Variants in YWHAG observed in about 807,000 individuals in gnomAD.
YWHAG encodes tyrosine 3-monooxygenase/tryptophan 5-monooxygenase activation protein gamma.
A neutral mutation model predicts 23.3 loss-of-function variants in YWHAG; 1 was observed. The ratio of observed to expected loss-of-function variants is 0.04; its 90% CI spans 0.02 to 0.20. The LOEUF (loss-of-function observed/expected upper bound fraction) is 0.20. Among genes scored for constraint, YWHAG ranks in the 10% least tolerant of loss-of-function variants. YWHAG has a pLI of 1.00. For missense variants in YWHAG, 151 were observed against 338.6 expected, an observed-to-expected ratio of 0.45 and a Z score of 4.35; for synonymous variants, 160 against 144.0, an observed-to-expected ratio of 1.11 and a Z score of -0.80.
At chr7:76,341,629 C>G (rs942341600) in intron 1 of YWHAG, among the ~76,000 whole-genome samples, 2 of 152,008 alleles carry the variant, frequency 1.3e-5, no homozygotes, top group African/African-American at 4.8e-5. Flanking sequence ...ATGGAAGCAG[C>G]CAGTCCAAAA....
At chr7:76,358,020 T>A (rs144255280) in intron 1 of YWHAG, among the ~76,000 whole-genome samples, 1 of 152,328 alleles carries the variant, frequency 6.6e-6, no homozygotes, top group East Asian at 1.9e-4. Context: ...ATGTTGAGAA[T>A]GATCAATGAA....
At chr7:76,334,087 T>C (rs1307601636) in intron 1 of YWHAG, among the ~76,000 whole-genome samples, 2 of 152,226 alleles carry the variant, frequency 1.3e-5, no homozygotes, top group African/African-American at 4.8e-5. Context: ...AGATGTTCCC[T>C]GCCAGTGAAA....
intron 1 of YWHAG, among the ~76,000 whole-genome samples, chr7:76,331,692 G>C (rs1405192167): frequency 6.6e-6 from 1 of 152,042 alleles, no homozygotes; most frequent in Non-Finnish European, 1.5e-5. Flanking sequence ...GAACTACCAG[G>C]AGACTTTTTT....
At chr7:76,353,706 T>C (rs1803906824) in intron 1 of YWHAG, among the ~76,000 whole-genome samples, 1 of 152,176 alleles carries the variant, frequency 6.6e-6, no homozygotes, top group African/African-American at 2.4e-5. Context: ...AAAATAATTC[T>C]GAGAGGAGAG....
At chr7:76,358,148 C>T (rs1464971024) in intron 1 of YWHAG, among the ~76,000 whole-genome samples, 1 of 152,176 alleles carries the variant, frequency 6.6e-6, no homozygotes, top group East Asian at 1.9e-4. Context: ...CGATTTTGCA[C>T]CACGGAGCTC....
Position 76,331,520 on chromosome 7 carries a change from C to CT in YWHAG, c.88-1288dup, listed in dbSNP as rs754943852. ...GCAGCCCAACACAAATTCGTAAACT[C>CT]TATTAAAACACTGAGAATTCTTTTT... On this transcript the variant is annotated intron_variant, in intron 1 of 1. Transcript: ENST00000307630. Among the ~76,000 whole-genome samples the CT allele has an allele frequency of 2.0e-5, 3 of 151,936 alleles. No individual in the cohort carries two copies. In the South Asian group the frequency reaches 6.2e-4, roughly 32 times the overall value.
At chr7:76,356,682 T>C (rs1334450074) in intron 1 of YWHAG, among the ~76,000 whole-genome samples, 1 of 152,244 alleles carries the variant, frequency 6.6e-6, no homozygotes, top group Non-Finnish European at 1.5e-5. Flanking sequence ...TATTCCATCA[T>C]TGCCCAGTAT....
rs1563661472 is a variant in YWHAG at position 76,329,726 on chromosome 7, T to C, written c.595A>G (p.Thr199Ala). 1 of 1,614,192 alleles carries C rather than the reference T, an allele frequency of 6.2e-7. No homozygotes were observed. Residue 199 changes from threonine (T) to alanine (A), a missense_variant, in exon 2 of 2, where the codon ACC becomes GCC. Physicochemically the swap from Thr to Ala is moderately conservative, Grantham distance 58. Transcript: ENST00000307630. This position sits in a 1 kb window ranked among gnomAD's most constrained non-coding sequence, Gnocchi z 6.1. Reference protein sequence around the residue: ...APEQACHLAKTAFDDAIAELD... With the variant: ...APEQACHLAKAAFDDAIAELD... Reference sequence around the variant, plus strand: ...TCGGCGATGGCGTCGTCGAACGCGGTCTTGGCCAAGTGGCACGCTTGCTCT... The same window carrying C: ...TCGGCGATGGCGTCGTCGAACGCGGCCTTGGCCAAGTGGCACGCTTGCTCT...
intron 1 of YWHAG, among the ~76,000 whole-genome samples, chr7:76,331,565 T>A (rs563759825): frequency 3.2e-4 from 49 of 151,450 alleles, no homozygotes; most frequent in Admixed American, 1.1e-3. Flanking sequence ...TTTTTTTTTT[T>A]AGCTCATCAA....
chr7:76,352,698 G>A (rs900427648), intron 1 of YWHAG, among the ~76,000 whole-genome samples: 3 of 151,442 alleles, frequency 2.0e-5, no homozygotes, highest in African/African-American at 7.3e-5. Flanking sequence ...CACCCAGGCT[G>A]GAGTGCAGTG....
chr7:76,347,041 CT>C (rs1006230525), intron 1 of YWHAG, among the ~76,000 whole-genome samples: 3 of 152,136 alleles, frequency 2.0e-5, no homozygotes, highest in Non-Finnish European at 4.4e-5. Context: ...ACCTCTCCCC[CT>C]CCCTCAAGTT....
At chr7:76,336,884 T>C (rs746499856) in intron 1 of YWHAG, among the ~76,000 whole-genome samples, 28 of 151,212 alleles carry the variant, frequency 1.9e-4, no homozygotes, top group African/African-American at 2.9e-4. Context: ...AAAAGAGAAA[T>C]GCAGTGAGTG....
At chr7:76,335,081 T>TG (rs1354302844) in intron 1 of YWHAG, among the ~76,000 whole-genome samples, 1 of 152,154 alleles carries the variant, frequency 6.6e-6, no homozygotes, top group Non-Finnish European at 1.5e-5. Flanking sequence ...TTTTTTGAGA[T>TG]GGAGTCCCAC....
At position 76,333,559 on chromosome 7, in the gene YWHAG, C is replaced by T. The variant is rs1009094857; in HGVS notation, c.88-3326G>A. 3.9e-5 allele frequency among the ~76,000 whole-genome samples: 6 copies of T among 152,200 alleles called. No individual in the cohort carries two copies. The South Asian group carries it at 1.2e-3, about 32-fold the overall frequency. On this transcript the variant is annotated intron_variant, in intron 1 of 1. Coordinates refer to ENST00000307630, the MANE Select transcript of YWHAG (RefSeq NM_012479.4). Reference sequence around the variant, plus strand: ...CTTCCTGTATCGAGTGTCTCTTCTCCGTTTCATCCTCTTCTCTATATTAAG... The same window carrying T: ...CTTCCTGTATCGAGTGTCTCTTCTCTGTTTCATCCTCTTCTCTATATTAAG...
Position 76,329,282 on chromosome 7 carries a change from A to C in YWHAG, c.*295T>G. The C allele has an allele frequency of 5.9e-6, 2 of 336,522 alleles. No individual in the cohort carries two copies. Among genetic ancestry groups the C allele is most frequent in the Middle Eastern group, 8.4e-4 (1 of 1,196 alleles). 20.8% of individuals were successfully genotyped at this position (336,522 alleles called of 1,614,324 possible). On this transcript the variant is annotated 3_prime_UTR_variant, in exon 2 of 2. Coordinates refer to ENST00000307630, the MANE Select transcript of YWHAG (RefSeq NM_012479.4). The surrounding 1 kb of genome is among the most constrained non-coding windows in gnomAD (Gnocchi z 6.1). ...AGTTTTCTTTTCATCTGAAAACCCT[A>C]TTATCTAGCAATAAGTTAAATTAGA...
chr7:76,351,588 G>A (rs1023510963), intron 1 of YWHAG, among the ~76,000 whole-genome samples: 1 of 152,088 alleles, frequency 6.6e-6, no homozygotes, highest in Non-Finnish European at 1.5e-5. Flanking sequence ...CCTGAGCTCC[G>A]CCTCCTGTCA....
chr7:76,350,158 G>GGA (rs1554618136), intron 1 of YWHAG, among the ~76,000 whole-genome samples: 1 of 151,754 alleles, frequency 6.6e-6, no homozygotes, highest in Non-Finnish European at 1.5e-5. Context: ...TAGTCAAAGG[G>GGA]AAAAAAAAGG....
chr7:76,354,736 C>T (rs59918070), intron 1 of YWHAG, among the ~76,000 whole-genome samples: 4,124 of 152,268 alleles, frequency 0.027, 200 homozygotes, highest in African/African-American at 0.093. Context: ...AAACCACTAC[C>T]ACACAGGCGG....
In YWHAG at chr7:76,329,500, C is replaced by T. The variant is rs1803508485; in HGVS notation, c.*77G>A. ...GTCATCCCTCCCTTTCCCTCCCCCA[C>T]CCGACCCCCAACTCATGGGAAAAAA... On this transcript the variant is annotated 3_prime_UTR_variant, in exon 2 of 2. Transcript: ENST00000307630. The surrounding 1 kb of genome is among the most constrained non-coding windows in gnomAD (Gnocchi z 6.1). 8 of 1,234,348 alleles carry T rather than the reference C, an allele frequency of 6.5e-6. No individual in the cohort carries two copies. Among genetic ancestry groups the T allele is most frequent in the South Asian group, 3.1e-5 (2 of 65,076 alleles). The allele number at this position is 1,234,348 out of a possible 1,614,324, so 76.5% of individuals were successfully genotyped here. A position where few individuals can be genotyped will look rare whatever the true frequency, so the allele number is the denominator to read the frequency against.
Sources: allele counts gnomAD v4.1 joint callset (sites outside exome capture counted in the v4.1 genomes callset), GRCh38; gene constraint gnomAD v4.1.1; non-coding constraint Gnocchi (gnomAD v3.1); transcripts MANE v1.5; gene names NCBI Gene and HGNC (gene_info 2026-07-23, HGNC 2026-07-21).